DSCAM: variants seen among roughly 807,000 people sequenced by gnomAD.
The protein encoded by DSCAM is DS cell adhesion molecule.
In DSCAM, 47 loss-of-function variants were observed where a neutral mutation model predicts 217.7. The observed-to-expected ratio is 0.22, with a 90% CI of 0.17 to 0.28. The LOEUF is 0.28. Ranked by LOEUF, DSCAM falls within the 10% of genes least tolerant of loss-of-function variation. The pLI is 1.00. For synonymous variants in DSCAM, 1,056 were observed against 1,015.3 expected, an observed-to-expected ratio of 1.04 and a Z score of -0.76; for missense variants, 2,080 against 2,618.3, an observed-to-expected ratio of 0.79 and a Z score of 4.49.
intron 10 of DSCAM, among the ~76,000 whole-genome samples, chr21:40,276,990 T>C (rs1198603361): frequency 1.3e-5 from 2 of 151,938 alleles, no homozygotes; most frequent in Non-Finnish European, 2.9e-5. Flanking sequence ...AAAAGGATTT[T>C]AGAAATAATG....
intron 11 of DSCAM, among the ~76,000 whole-genome samples, chr21:40,254,902 G>A (rs1163073138): frequency 1.3e-5 from 2 of 151,786 alleles, no homozygotes; most frequent in Non-Finnish European, 2.9e-5. Context: ...TCTAGTAAGT[G>A]CCTTCATTAT....
At position 40,148,477 on chromosome 21, in the gene DSCAM, T is replaced by C. The variant is rs78693191; in HGVS notation, c.3019-3746A>G. On this transcript the variant is annotated intron_variant, in intron 16 of 32. Coordinates refer to ENST00000400454, the MANE Select transcript of DSCAM (RefSeq NM_001389.5). ...AAACATATGAAATACCACTGAATCA[T>C]ACACTTAAAATAGGGAATGCTATGG... 4.2e-3 allele frequency among the ~76,000 whole-genome samples: 644 copies of C among 152,268 alleles called. 8 individuals carry two copies. The highest frequency in any genetic ancestry group is 0.014 in the African/African-American group (593 of 41,536).
chr21:40,364,516 C>T (rs1490833280), intron 4 of DSCAM, among the ~76,000 whole-genome samples: 154 of 84,736 alleles, frequency 1.8e-3, no homozygotes, highest in African/African-American at 5.3e-3. Flanking sequence ...CATCACACAC[C>T]GGGGCCTGTT....
chr21:40,013,358 A>G lies in DSCAM; in HGVS notation c.5715T>C (p.Leu1905=), dbSNP rs2088097940. 3 of 1,591,528 alleles carry G rather than the reference A, an allele frequency of 1.9e-6. No homozygotes were observed. The highest frequency in any genetic ancestry group is 2.6e-6 in the Non-Finnish European group (3 of 1,169,430). ...CTCGGTTTAACAAAAAGTCCATTCT[A>G]AGGTATGGAGGCAAATGTATGAGGT... The part of the protein sequence containing the change: ...PGDLIHLPPY[L]RMDFLLNRGG... Residue 1905 remains leucine, a synonymous_variant, in exon 33 of 33, where the codon CTT becomes CTC. Transcript: ENST00000400454.
intron 3 of DSCAM, among the ~76,000 whole-genome samples, chr21:40,617,415 C>T (rs953914989): frequency 2.0e-5 from 3 of 152,116 alleles, no homozygotes; most frequent in Non-Finnish European, 4.4e-5. Flanking sequence ...TGAGCCACCG[C>T]GCCCGGCCCA....
chr21:40,842,143 C>G (rs2092107301), intron 1 of DSCAM, among the ~76,000 whole-genome samples: 1 of 152,212 alleles, frequency 6.6e-6, no homozygotes, highest in South Asian at 2.1e-4. Flanking sequence ...CACTAGTGTC[C>G]TATGGCGGGG....
chr21:40,401,439 A>T (rs2075232881), intron 3 of DSCAM, among the ~76,000 whole-genome samples: 1 of 152,174 alleles, frequency 6.6e-6, no homozygotes. Context: ...AATATAGTAC[A>T]CTATTTACAC....
intron 3 of DSCAM, among the ~76,000 whole-genome samples, chr21:40,631,752 C>T (rs1343773723): frequency 6.6e-6 from 1 of 152,150 alleles, no homozygotes; most frequent in Admixed American, 6.5e-5. Context: ...ATCTCTGTCC[C>T]AAAGTAGGAA....
intron 1 of DSCAM, among the ~76,000 whole-genome samples, chr21:40,771,320 G>A (rs140044805): frequency 5.3e-5 from 8 of 152,284 alleles, no homozygotes; most frequent in Non-Finnish European, 7.3e-5. Flanking sequence ...CTGTCATAAC[G>A]CAGTTCTGAG....
At chr21:40,524,834 C>A (rs559757188) in intron 3 of DSCAM, among the ~76,000 whole-genome samples, 32 of 151,834 alleles carry the variant, frequency 2.1e-4, no homozygotes, top group Admixed American at 2.0e-3. Context: ...CATGGTGAAA[C>A]CCTGTCTCTA....
chr21:40,201,164 C>A (rs920660327), intron 11 of DSCAM, among the ~76,000 whole-genome samples: 7 of 152,144 alleles, frequency 4.6e-5, no homozygotes, highest in Non-Finnish European at 8.8e-5. Flanking sequence ...CACTTCCTGG[C>A]AGCTTTTCCA....
At chr21:40,118,240 G>C (rs1325006834) in intron 20 of DSCAM, among the ~76,000 whole-genome samples, 1 of 152,180 alleles carries the variant, frequency 6.6e-6, no homozygotes, top group Non-Finnish European at 1.5e-5. Flanking sequence ...GTTGAGCCTG[G>C]CAGTGGGAAG....
intron 3 of DSCAM, among the ~76,000 whole-genome samples, chr21:40,373,256 T>G (rs962554359): frequency 3.3e-5 from 5 of 152,174 alleles, no homozygotes; most frequent in Non-Finnish European, 7.3e-5. Context: ...ATGCATGATC[T>G]CCAGAAAGAG....
chr21:40,424,261 T>C (rs1013924886), intron 3 of DSCAM, among the ~76,000 whole-genome samples: 5 of 152,152 alleles, frequency 3.3e-5, no homozygotes, highest in African/African-American at 1.2e-4. Context: ...AAACATGGCT[T>C]TACTTGGAAA....
chr21:40,467,006 CAAG>C (rs1206621287), intron 3 of DSCAM, among the ~76,000 whole-genome samples: 1 of 152,084 alleles, frequency 6.6e-6, no homozygotes, highest in Non-Finnish European at 1.5e-5. Context: ...CCTATACTTT[CAAG>C]AAGTTTAAAA....
chr21:40,047,945 A>G (rs1055529910), intron 30 of DSCAM, among the ~76,000 whole-genome samples: 1 of 152,168 alleles, frequency 6.6e-6, no homozygotes, highest in Non-Finnish European at 1.5e-5. Flanking sequence ...ATGTGCGTAC[A>G]TGTGAAGTCT....
At chr21:40,669,566 AT>A (rs1256774547) in intron 3 of DSCAM, among the ~76,000 whole-genome samples, 1 of 147,512 alleles carries the variant, frequency 6.8e-6, no homozygotes, top group East Asian at 2.1e-4. Flanking sequence ...CTATCATTCT[AT>A]TTTCCCAAAT....
intron 3 of DSCAM, among the ~76,000 whole-genome samples, chr21:40,515,625 A>C (rs191525416): frequency 6.6e-6 from 1 of 152,176 alleles, no homozygotes; most frequent in Non-Finnish European, 1.5e-5. Flanking sequence ...GAAGGTAAAA[A>C]TACTCTTAAA....
intron 3 of DSCAM, among the ~76,000 whole-genome samples, chr21:40,421,200 G>A (rs1316701294): frequency 6.6e-6 from 1 of 152,146 alleles, no homozygotes; most frequent in Non-Finnish European, 1.5e-5. Context: ...ACCACTGCCT[G>A]CAGCTCAGGC....
Sources: allele counts gnomAD v4.1 joint callset (sites outside exome capture counted in the v4.1 genomes callset), GRCh38; gene constraint gnomAD v4.1.1; transcripts MANE v1.5; gene names NCBI Gene and HGNC (gene_info 2026-07-23, HGNC 2026-07-21).